The following FAM47C variants were observed in gnomAD, a reference collection of about 807,000 sequenced individuals.
The protein encoded by FAM47C is putative protein FAM47C.
For missense variants in FAM47C, 847 were observed against 879.9 expected (o/e 0.96, Z 0.47); for synonymous variants, 307 against 346.5 (o/e 0.89, Z 1.27).
rs781993459 is a variant in FAM47C at position 37,009,523 on chromosome X, C to G, written c.1113C>G (p.Pro371=). 4 of 1,197,770 alleles carry G rather than the reference C, an allele frequency of 3.3e-6. No individual in the cohort carries two copies. The African/African-American group carries it at 7.5e-5, about 22-fold the overall frequency. ...TATCTCCTCTCCGCCAGCTGCCTCC[C>G]GAGGCTGGAGTGTCCCATCTCTGCC... ...TRVSPLRQLP[P]EAGVSHLCPE... Residue 371 remains proline, a synonymous_variant, in exon 1 of 1, where the codon CCC becomes CCG. Coordinates refer to ENST00000358047, the MANE Select transcript of FAM47C (RefSeq NM_001013736.3).
In FAM47C at chrX:37,011,271, A is replaced by G. The variant is rs1927794528; in HGVS notation, c.2861A>G (p.Asp954Gly). 3.3e-6 allele frequency: 4 copies of G among 1,208,843 alleles called. No homozygotes were observed. The African/African-American group carries it at 7.0e-5, about 21-fold the overall frequency. The change falls in exon 1 of 1, where the codon GAT (aspartate) becomes GGT (glycine). Residue 954 changes from aspartate to glycine, a missense_variant. Asp to Gly is a moderately conservative substitution (Grantham distance 94). Transcript: ENST00000358047. Reference sequence around the variant, plus strand: ...AAGTTGGGGAAAAAGCTAAGAAGTGATGAACCTTTGATTGACCCCAAGCTC... The same window carrying G: ...AAGTTGGGGAAAAAGCTAAGAAGTGGTGAACCTTTGATTGACCCCAAGCTC... ...KPKLGKKLRSDEPLIDPKLVL... is the reference protein window; with the variant it reads ...KPKLGKKLRSGEPLIDPKLVL...
Position 37,010,700 on chromosome X carries a change from C to G in FAM47C, c.2290C>G (p.Pro764Ala). Residue 764 changes from proline to alanine, a missense_variant, in exon 1 of 1, where the codon CCG becomes GCG. Coordinates refer to ENST00000358047, the MANE Select transcript of FAM47C (RefSeq NM_001013736.3). ...TGAGACTCGCGTATCTCATCTCCGC[C>G]CGGAGCCTCCTGAGACTGGAGTGTC... ...PLETRVSHLR[P>A]EPPETGVSHL... The G allele has an allele frequency of 8.3e-7, 1 of 1,210,162 alleles. No individual in the cohort carries two copies. The highest frequency in any genetic ancestry group is 3.0e-5 in the East Asian group (1 of 33,763).
At position 37,008,790 on chromosome X, in the gene FAM47C, C is replaced by T. The variant is rs1284155540; in HGVS notation, c.380C>T (p.Thr127Ile). Residue 127 changes from threonine (T) to isoleucine (I), a missense_variant, in exon 1 of 1, where the codon ACC (threonine) becomes ATC (isoleucine). Transcript: ENST00000358047. ...GAGGAAGTGGAAGCCCAGCTGATGACCAAGCATCCCTTGGCCATGTACCCC... is the reference window on the plus strand; with the variant it reads ...GAGGAAGTGGAAGCCCAGCTGATGATCAAGCATCCCTTGGCCATGTACCCC... ...FVEEVEAQLM[T>I]KHPLAMYPNL... The T allele has an allele frequency of 8.3e-7, 1 of 1,209,784 alleles. No individual in the cohort carries two copies. Among genetic ancestry groups the T allele is most frequent in the African/African-American group, 1.7e-5 (1 of 57,184 alleles).
Position 37,011,479 on chromosome X carries a change from G to T in FAM47C, c.3069G>T (p.Lys1023Asn). 3 of 1,202,478 alleles carry T rather than the reference G, an allele frequency of 2.5e-6. No homozygotes were observed. The highest frequency in any genetic ancestry group is 3.4e-6 in the Non-Finnish European group (3 of 890,802). The change falls in exon 1 of 1, where the codon AAG becomes AAT. Residue 1023 changes from lysine (K) to asparagine (N), a missense_variant. By Grantham distance (94) the Lys-to-Asn change is moderately conservative. Transcript: ENST00000358047. ...TTCAACGTGCAATGCAAGTTTACAA[G>T]TACAAAGAAGACGTCACAGATGCAT... is the stretch of plus-strand genomic sequence containing the variant. ...TPIQRAMQVY[K>N]YKEDVTDASE... is the part of the protein sequence containing the mutation.
In FAM47C at chrX:37,011,083, C is replaced by T. The variant is rs782668068; in HGVS notation, c.2673C>T (p.Asn891=). Residue 891 remains asparagine, a synonymous_variant, in exon 1 of 1, where the codon AAC becomes AAT. Transcript: ENST00000358047. ...TYQDQKNKKA[N]ECSSGLKYSM... is the part of the protein sequence containing the mutation. Reference sequence around the variant, plus strand: ...AAGACCAAAAGAATAAGAAGGCAAACGAGTGTTCCTCAGGGCTGAAGTACA... The same window carrying T: ...AAGACCAAAAGAATAAGAAGGCAAATGAGTGTTCCTCAGGGCTGAAGTACA... 2.5e-6 allele frequency: 3 copies of T among 1,211,920 alleles called. No individual in the cohort carries two copies. The highest frequency in any genetic ancestry group is 5.9e-5 in the East Asian group (2 of 33,855).
rs1423698992 is a variant in FAM47C, at chrX:37,011,191, T to A, written c.2781T>A (p.Asn927Lys). ...ACGGGAAAATCCAGAATGCACCAAATTCTCATAGTGCACAGCATGTGAAGA... is the reference window on the plus strand; with the variant it reads ...ACGGGAAAATCCAGAATGCACCAAAATCTCATAGTGCACAGCATGTGAAGA... ...DLDGKIQNAP[N>K]SHSAQHVKMG... Residue 927 changes from asparagine to lysine, a missense_variant, in exon 1 of 1, where the codon AAT (asparagine) becomes AAA (lysine). Physicochemically the swap from Asn to Lys is moderately conservative, Grantham distance 94. Coordinates refer to ENST00000358047, the MANE Select transcript of FAM47C (RefSeq NM_001013736.3). The A allele has an allele frequency of 2.5e-6, 3 of 1,209,058 alleles. No individual in the cohort carries two copies. In the African/African-American group the frequency reaches 5.3e-5, roughly 21 times the overall value.
In FAM47C at chrX:37,008,653, A is replaced by G; in HGVS notation, c.243A>G (p.Ile81Met). Reference sequence around the variant, plus strand: ...GTGACGAGTTTTTACTCCCCAAAATATCTCTCAGAGGTCCCCAAGCTGACC... The same window carrying G: ...GTGACGAGTTTTTACTCCCCAAAATGTCTCTCAGAGGTCCCCAAGCTGACC... ...CRRDEFLLPKISLRGPQADPK... is the reference protein window; with the variant it reads ...CRRDEFLLPKMSLRGPQADPK... Residue 81 changes from isoleucine to methionine, a missense_variant, in exon 1 of 1, where the codon ATA becomes ATG. By Grantham distance (10) the Ile-to-Met change is conservative. Coordinates refer to ENST00000358047, the MANE Select transcript of FAM47C (RefSeq NM_001013736.3). The G allele has an allele frequency of 8.3e-7, 1 of 1,211,796 alleles. No homozygotes were observed. Among genetic ancestry groups the G allele is most frequent in the Middle Eastern group, 2.3e-4 (1 of 4,355 alleles).
rs781836983 is a variant in FAM47C at position 37,010,820 on chromosome X, C to T, written c.2410C>T (p.Pro804Ser). Residue 804 changes from proline to serine, a missense_variant, in exon 1 of 1, where the codon CCC (proline) becomes TCC (serine). Pro to Ser is a moderately conservative substitution (Grantham distance 74, BLOSUM62 -1). Coordinates refer to ENST00000358047, the MANE Select transcript of FAM47C (RefSeq NM_001013736.3). ...AGTGTCCAGTCTCCGCCTGGAGCCT[C>T]CCAAGACTGGTCGGGTGTCCAGTCT... Reference protein sequence around the residue: ...RRVSSLRLEPPKTGRVSSLCP... With the variant: ...RRVSSLRLEPSKTGRVSSLCP... 2.5e-6 allele frequency: 3 copies of T among 1,209,759 alleles called. No homozygotes were observed. The highest frequency in any genetic ancestry group is 5.9e-5 in the East Asian group (2 of 33,756).
chrX:37,009,235 T>G lies in FAM47C; in HGVS notation c.825T>G (p.Pro275=), dbSNP rs782446904. 8.3e-7 allele frequency: 1 copy of G among 1,198,660 alleles called. No homozygotes were observed. ...TGTCCCATCTCTACCTGGAGCCTCC[T>G]GGGACTGGAGTGTCTCATCTCTGCC... ...TGVSHLYLEP[P]GTGVSHLCPE... is the part of the protein sequence containing the mutation. The change falls in exon 1 of 1, where the codon CCT becomes CCG. Residue 275 remains proline (P), a synonymous_variant. Transcript: ENST00000358047.
At position 37,008,448 on chromosome X, in the gene FAM47C, C is replaced by G; in HGVS notation, c.38C>G (p.Pro13Arg). 5 of 1,209,206 alleles carry G rather than the reference C, an allele frequency of 4.1e-6. No homozygotes were observed. The highest frequency in any genetic ancestry group is 5.6e-6 in the Non-Finnish European group (5 of 893,239). The change falls in exon 1 of 1, where the codon CCG becomes CGG. Residue 13 changes from proline (P) to arginine (R), a missense_variant. Physicochemically the swap from Pro to Arg is moderately radical, Grantham distance 103. Transcript: ENST00000358047. ...AGGCCGCAGGACCGGCCCAGTTCCC[C>G]GGGCATGGACTCCACGCCCTGGTAC... Reference protein sequence around the residue: ...DQRPQDRPSSPGMDSTPWYCD... With the variant: ...DQRPQDRPSSRGMDSTPWYCD...
In FAM47C at chrX:37,008,368, G is replaced by T; in HGVS notation, c.-43G>T. 8.8e-7 allele frequency: 1 copy of T among 1,134,155 alleles called. No homozygotes were observed. Among genetic ancestry groups the T allele is most frequent in the Non-Finnish European group, 1.2e-6 (1 of 853,224 alleles). The allele number at this position is 1,134,155 out of a possible 1,213,427, so 93.5% of individuals were successfully genotyped here. A position where few individuals can be genotyped will look rare whatever the true frequency, so the allele number is the denominator to read the frequency against. On this transcript the variant is annotated 5_prime_UTR_variant, in exon 1 of 1. Transcript: ENST00000358047. ...TAGCGACTAGAGCGTCAGGGATCAGGAACCGCGGAAACTGGAGAGGTGGCA... is the reference window on the plus strand; with the variant it reads ...TAGCGACTAGAGCGTCAGGGATCAGTAACCGCGGAAACTGGAGAGGTGGCA...
Position 37,009,411 on chromosome X carries a change from C to T in FAM47C, c.1001C>T (p.Pro334Leu), listed in dbSNP as rs1556332069. ...ETGVSHLHPEPPKTLVSSLHP... is the reference protein window; with the variant it reads ...ETGVSHLHPELPKTLVSSLHP... Reference sequence around the variant, plus strand: ...GGAGTGTCCCATCTCCACCCAGAGCCTCCCAAGACTCTGGTGTCCAGTCTC... The same window carrying T: ...GGAGTGTCCCATCTCCACCCAGAGCTTCCCAAGACTCTGGTGTCCAGTCTC... Residue 334 changes from proline to leucine, a missense_variant, in exon 1 of 1, where the codon CCT (proline) becomes CTT (leucine). Pro to Leu is a moderately conservative substitution (Grantham distance 98). Transcript: ENST00000358047. 8.3e-7 allele frequency: 1 copy of T among 1,209,498 alleles called. No homozygotes were observed. Among genetic ancestry groups the T allele is most frequent in the Non-Finnish European group, 1.1e-6 (1 of 894,855 alleles).
chrX:37,009,297 G>A lies in FAM47C; in HGVS notation c.887G>A (p.Arg296Gln), dbSNP rs140151778. 30 of 1,169,201 alleles carry A rather than the reference G, an allele frequency of 2.6e-5. No homozygotes were observed. Among genetic ancestry groups the A allele is most frequent in the African/African-American group, 4.3e-5 (2 of 47,018 alleles). Residue 296 changes from arginine to glutamine, a missense_variant, in exon 1 of 1, where the codon CGG (arginine) becomes CAG (glutamine). By Grantham distance (43) the Arg-to-Gln change is conservative. Transcript: ENST00000358047. Reference protein sequence around the residue: ...PPKTRVSHLHREPPETGVPDL... With the variant: ...PPKTRVSHLHQEPPETGVPDL... ...AAGACTCGCGTATCTCATCTCCATC[G>A]GGAGCCTCCTGAGACTGGAGTGCCT...
Position 37,009,492 on chromosome X carries a change from C to T in FAM47C, c.1082C>T (p.Thr361Ile). Residue 361 changes from threonine (T) to isoleucine (I), a missense_variant, in exon 1 of 1, where the codon ACT becomes ATT. Coordinates refer to ENST00000358047, the MANE Select transcript of FAM47C (RefSeq NM_001013736.3). ...CATCTCTGCCCGGAACCTCCAGAGA[C>T]TCGCGTATCTCCTCTCCGCCAGCTG... ...VSHLCPEPPE[T>I]RVSPLRQLPP... 3 of 1,206,148 alleles carry T rather than the reference C, an allele frequency of 2.5e-6. No homozygotes were observed. Among genetic ancestry groups the T allele is most frequent in the Non-Finnish European group, 3.4e-6 (3 of 893,302 alleles).
rs782531199 is a variant in FAM47C, at chrX:37,010,619, C to A, written c.2209C>A (p.His737Asn). 1.7e-6 allele frequency: 2 copies of A among 1,207,558 alleles called. No homozygotes were observed. The highest frequency in any genetic ancestry group is 3.5e-5 in the South Asian group (2 of 56,657). Residue 737 changes from histidine (H) to asparagine (N), a missense_variant, in exon 1 of 1, where the codon CAT becomes AAT. Physicochemically the swap from His to Asn is moderately conservative, Grantham distance 68. Transcript: ENST00000358047. Reference protein sequence around the residue: ...CPEPPETGVSHLRPEPPKPRV... With the variant: ...CPEPPETGVSNLRPEPPKPRV... ...GGAGCCTCCTGAGACTGGAGTGTCC[C>A]ATCTCCGCCCAGAGCCTCCCAAGCC...
chrX:37,008,449 G>A lies in FAM47C; in HGVS notation c.39G>A (p.Pro13=), dbSNP rs1556331258. Residue 13 remains proline (P), a synonymous_variant, in exon 1 of 1, where the codon CCG becomes CCA. Transcript: ENST00000358047. ...DQRPQDRPSS[P]GMDSTPWYCD... ...GGCCGCAGGACCGGCCCAGTTCCCCGGGCATGGACTCCACGCCCTGGTACT... is the reference window on the plus strand; with the variant it reads ...GGCCGCAGGACCGGCCCAGTTCCCCAGGCATGGACTCCACGCCCTGGTACT... The A allele has an allele frequency of 1.7e-6, 2 of 1,208,719 alleles. No homozygotes were observed. The highest frequency in any genetic ancestry group is 3.0e-5 in the East Asian group (1 of 33,674).
Position 37,008,982 on chromosome X carries a change from C to T in FAM47C, c.572C>T (p.Pro191Leu). The change falls in exon 1 of 1, where the codon CCC (proline) becomes CTC (leucine). Residue 191 changes from proline to leucine, a missense_variant. Pro to Leu is a moderately conservative substitution (Grantham distance 98, BLOSUM62 -3). Coordinates refer to ENST00000358047, the MANE Select transcript of FAM47C (RefSeq NM_001013736.3). The stretch of plus-strand genomic sequence containing the variant: ...TGTGGGGAATTCTCCCCTCGGCCTC[C>T]CGAGACTCGGGTGTCCTGTCTCCCC... ...YPCGEFSPRP[P>L]ETRVSCLPPE... The T allele has an allele frequency of 8.3e-7, 1 of 1,211,917 alleles. No individual in the cohort carries two copies. The highest frequency in any genetic ancestry group is 1.7e-5 in the African/African-American group (1 of 57,874).
At position 37,009,724 on chromosome X, in the gene FAM47C, C is replaced by G; in HGVS notation, c.1314C>G (p.Leu438=). Reference sequence around the variant, plus strand: ...CTCCCAAGACTCGCGGATCTCATCTCCGCCCGGAACCTCCTGAGACTGGAG... The same window carrying G: ...CTCCCAAGACTCGCGGATCTCATCTGCGCCCGGAACCTCCTGAGACTGGAG... ...LEPPKTRGSH[L]RPEPPETGVS... The change falls in exon 1 of 1, where the codon CTC becomes CTG. Residue 438 remains leucine, a synonymous_variant. Transcript: ENST00000358047. 8.3e-7 allele frequency: 1 copy of G among 1,209,448 alleles called. No homozygotes were observed. The highest frequency in any genetic ancestry group is 1.1e-6 in the Non-Finnish European group (1 of 894,649).
Position 37,010,283 on chromosome X carries a change from A to G in FAM47C, c.1873A>G (p.Thr625Ala). 1 of 1,183,168 alleles carries G rather than the reference A, an allele frequency of 8.5e-7. No homozygotes were observed. Among genetic ancestry groups the G allele is most frequent in the Non-Finnish European group, 1.1e-6 (1 of 886,509 alleles). Reference protein sequence around the residue: ...VSHLRPEPPETGVSHLRPEPP... With the variant: ...VSHLRPEPPEAGVSHLRPEPP... ...TCATCTCCGCCCAGAGCCTCCTGAG[A>G]CTGGAGTGTCCCATCTCCGCCCAGA... The change falls in exon 1 of 1, where the codon ACT becomes GCT. Residue 625 changes from threonine to alanine, a missense_variant. Transcript: ENST00000358047.
Sources: gnomAD v4.1 joint callset for allele counts on GRCh38, gnomAD v4.1.1 for gene constraint, MANE v1.5 for transcripts, NCBI Gene and HGNC (gene_info 2026-07-23, HGNC 2026-07-21) for gene names.